The following TRIM25 variants were observed in gnomAD, a reference collection of about 807,000 sequenced individuals.
The protein encoded by TRIM25 is E3 ubiquitin/ISG15 ligase TRIM25.
Under a neutral mutation model 65.2 loss-of-function variants are expected in TRIM25, and 45 were observed. That is an observed-to-expected ratio of 0.69 (90% CI 0.54 to 0.89). TRIM25 has a LOEUF of 0.89. TRIM25 is among the 40% of genes least tolerant of loss of function. TRIM25 has a pLI of 0.00. For missense variants in TRIM25, 714 were observed against 803.7 expected, an observed-to-expected ratio of 0.89 and a Z score of 1.35; for synonymous variants, 321 against 340.4, an observed-to-expected ratio of 0.94 and a Z score of 0.63.
At position 56,914,002 on chromosome 17, in the gene TRIM25, G is replaced by A. The variant is rs775381059; in HGVS notation, c.-14C>T. ...CAGCTCTGCCATGGCGCTCCCAGGGGTCGGGACACAACTGCTGCACCCGCG... is the reference window on the plus strand; with the variant it reads ...CAGCTCTGCCATGGCGCTCCCAGGGATCGGGACACAACTGCTGCACCCGCG... On this transcript the variant is annotated 5_prime_UTR_variant, in exon 1 of 9. Coordinates refer to ENST00000316881, the MANE Select transcript of TRIM25 (RefSeq NM_005082.5). The A allele has an allele frequency of 1.3e-6, 2 of 1,529,294 alleles. No individual in the cohort carries two copies. Among genetic ancestry groups the A allele is most frequent in the Non-Finnish European group, 1.8e-6 (2 of 1,135,740 alleles). 94.7% of individuals were successfully genotyped at this position (1,529,294 alleles called of 1,614,324 possible).
rs148351661 is a variant in TRIM25, at chr17:56,891,901, G to C, written c.1692C>G (p.Asn564Lys). 2.5e-6 allele frequency: 4 copies of C among 1,614,232 alleles called. No individual in the cohort carries two copies. The highest frequency in any genetic ancestry group is 3.4e-6 in the Non-Finnish European group (4 of 1,180,036). ...FNTKISAWHNNVEKTLPSTKA... is the reference protein window; with the variant it reads ...FNTKISAWHNKVEKTLPSTKA... ...TGGTGGAGGGCAGGGTTTTCTCCAC[G>C]TTATTGTGCCAGGCAGAGATCTTGG... The change falls in exon 9 of 9, where the codon AAC (asparagine) becomes AAG (lysine). Residue 564 changes from asparagine (N) to lysine (K), a missense_variant. Asn to Lys is a moderately conservative substitution (Grantham distance 94, BLOSUM62 0). This residue lies in a region of TRIM25 where 413 missense variants were observed against 498.2 expected (regional missense o/e 0.83). Coordinates refer to ENST00000316881, the MANE Select transcript of TRIM25 (RefSeq NM_005082.5).
Position 56,913,386 on chromosome 17 carries a change from C to G in TRIM25, c.597+6G>C. On this transcript the variant is annotated splice_donor_region_variant and intron_variant, in intron 1 of 8. Transcript: ENST00000316881. The surrounding 1 kb of genome is among the most constrained non-coding windows in gnomAD (Gnocchi z 6.1). Reference sequence around the variant, plus strand: ...TGCCCTCTGCACCCAGCAGGCCGTTCCCTACCTCCAGGTCGGCGCTGGCCT... The same window carrying G: ...TGCCCTCTGCACCCAGCAGGCCGTTGCCTACCTCCAGGTCGGCGCTGGCCT... The G allele has an allele frequency of 1.3e-6, 2 of 1,552,222 alleles. No homozygotes were observed. Among genetic ancestry groups the G allele is most frequent in the Non-Finnish European group, 1.7e-6 (2 of 1,144,094 alleles).
chr17:56,906,793 C>G (rs558479243), intron 2 of TRIM25, among the ~76,000 whole-genome samples: 3 of 152,204 alleles, frequency 2.0e-5, no homozygotes, highest in Non-Finnish European at 2.9e-5. Flanking sequence ...TTGCGCCCAG[C>G]CTTCTTTGCC....
At chr17:56,893,223 G>T (rs1909218601) in intron 8 of TRIM25, among the ~76,000 whole-genome samples, 1 of 149,994 alleles carries the variant, frequency 6.7e-6, no homozygotes, top group Non-Finnish European at 1.5e-5. Flanking sequence ...GCCAAGCGAG[G>T]CACTCATTTG....
intron 1 of TRIM25, among the ~76,000 whole-genome samples, chr17:56,911,043 T>A (rs1325399216): frequency 6.6e-6 from 1 of 152,074 alleles, no homozygotes; most frequent in Non-Finnish European, 1.5e-5. Flanking sequence ...AGTGGGAGGA[T>A]CCCTTGAGGT....
intron 5 of TRIM25, 134 bp downstream of exon 5, chr17:56,898,981 G>A: frequency 1.0e-6 from 1 of 979,392 alleles, no homozygotes; most frequent in Non-Finnish European, 1.6e-6. Context: ...CCCGCAGTGG[G>A]GACTGCCACC....
intron 8 of TRIM25, among the ~76,000 whole-genome samples, chr17:56,894,977 G>A (rs959371500): frequency 2.0e-5 from 3 of 152,238 alleles, no homozygotes; most frequent in Admixed American, 2.0e-4. Flanking sequence ...GAGTGGTGGG[G>A]AGGAGACAGG....
intron 2 of TRIM25, among the ~76,000 whole-genome samples, chr17:56,904,695 G>A (rs1468447479): frequency 6.6e-6 from 1 of 152,172 alleles, no homozygotes; most frequent in African/African-American, 2.4e-5. Context: ...CTAGGAATAT[G>A]TGCTACAAAA....
At chr17:56,895,019 G>A (rs1324461462) in intron 8 of TRIM25, among the ~76,000 whole-genome samples, 2 of 152,198 alleles carry the variant, frequency 1.3e-5, no homozygotes, top group African/African-American at 2.4e-5. Flanking sequence ...GCAACGGGAC[G>A]CCCGGTGAAG....
chr17:56,913,909 G>C lies in TRIM25; in HGVS notation c.80C>G (p.Pro27Arg). 6.4e-7 allele frequency: 1 copy of C among 1,573,912 alleles called. No individual in the cohort carries two copies. The highest frequency in any genetic ancestry group is 2.3e-5 in the East Asian group (1 of 43,026). ...CGACCCGCAGAAGTTGTGGCCGCAC[G>C]GAGTGGTGACCGGCTCCTTGAAGGG... ...LEPFKEPVTTPCGHNFCGSCL... is the reference protein window; with the variant it reads ...LEPFKEPVTTRCGHNFCGSCL... Residue 27 changes from proline (P) to arginine (R), a missense_variant, in exon 1 of 9, where the codon CCG becomes CGG. Around this residue, in one of 3 missense-constraint regions of TRIM25, gnomAD observed 291 missense variants for 281.8 expected, o/e 1.03. Coordinates refer to ENST00000316881, the MANE Select transcript of TRIM25 (RefSeq NM_005082.5). The surrounding 1 kb of genome is among the most constrained non-coding windows in gnomAD (Gnocchi z 6.1).
intron 1 of TRIM25, among the ~76,000 whole-genome samples, chr17:56,911,939 C>T (rs1271362314): frequency 6.6e-6 from 1 of 151,856 alleles, no homozygotes; most frequent in African/African-American, 2.4e-5. Flanking sequence ...CACGGTGGCA[C>T]ACCTGTAGTC....
chr17:56,891,981 G>T lies in TRIM25; in HGVS notation c.1612C>A (p.Pro538Thr), dbSNP rs1439660375. Residue 538 changes from proline (P) to threonine (T), a missense_variant, in exon 9 of 9, where the codon CCA becomes ACA. Around this residue, in one of 3 missense-constraint regions of TRIM25, gnomAD observed 413 missense variants for 498.2 expected, o/e 0.83. Coordinates refer to ENST00000316881, the MANE Select transcript of TRIM25 (RefSeq NM_005082.5). ...ICYGSMNRQGPESRLGRNSAS... is the reference protein window; with the variant it reads ...ICYGSMNRQGTESRLGRNSAS... ...CTGTTGCGGCCGAGCCTGCTTTCTG[G>T]GCCCTGCCGGTTCATGCTTCCGTAG... 1.9e-6 allele frequency: 3 copies of T among 1,614,040 alleles called. No homozygotes were observed. Among genetic ancestry groups the T allele is most frequent in the Admixed American group, 1.7e-5 (1 of 60,000 alleles).
Position 56,913,244 on chromosome 17 carries a change from T to C in TRIM25, c.597+148A>G. 1.6e-6 allele frequency: 1 copy of C among 643,914 alleles called. No homozygotes were observed. Among genetic ancestry groups the C allele is most frequent in the Non-Finnish European group, 2.5e-6 (1 of 396,192 alleles). The allele number at this position is 643,914 out of a possible 1,614,324, so 39.9% of individuals were successfully genotyped here. ...AGGGACTATATAATCTCCCATCCCC[T>C]TTCTACTCTGACATTGGAGATGCCC... is the stretch of plus-strand genomic sequence containing the variant. On this transcript the variant is annotated intron_variant, in intron 1 of 8. Transcript: ENST00000316881. The surrounding 1 kb of genome is among the most constrained non-coding windows in gnomAD (Gnocchi z 6.1).
intron 4 of TRIM25, among the ~76,000 whole-genome samples, chr17:56,900,309 C>A (rs1567840003): frequency 6.6e-6 from 1 of 152,096 alleles, no homozygotes; most frequent in Non-Finnish European, 1.5e-5. Flanking sequence ...ATCACTTAAT[C>A]CCAGGAGTTT....
At position 56,907,255 on chromosome 17, in the gene TRIM25, C is replaced by T. The variant is rs1053752029; in HGVS notation, c.693+1213G>A. Among the ~76,000 whole-genome samples the T allele has an allele frequency of 7.2e-5, 11 of 152,246 alleles. 1 individual carries two copies. Among genetic ancestry groups the T allele is most frequent in the Admixed American group, 3.9e-4 (6 of 15,280 alleles). On this transcript the variant is annotated intron_variant, in intron 2 of 8. Coordinates refer to ENST00000316881, the MANE Select transcript of TRIM25 (RefSeq NM_005082.5). ...GTCAGTTGGTAAAATAAACTTCAATCATATTTAAGCCTCTGAATTCTGGTG... is the reference window on the plus strand; with the variant it reads ...GTCAGTTGGTAAAATAAACTTCAATTATATTTAAGCCTCTGAATTCTGGTG...
chr17:56,912,489 GC>G (rs1909648531), intron 1 of TRIM25, among the ~76,000 whole-genome samples: 1 of 152,076 alleles, frequency 6.6e-6, no homozygotes, highest in Non-Finnish European at 1.5e-5. Context: ...TCCCTCTTAG[GC>G]CTCTAATAAC....
Position 56,913,403 on chromosome 17 carries a change from C to G in TRIM25, c.586G>C (p.Ala196Pro), listed in dbSNP as rs772235780. 6.4e-7 allele frequency: 1 copy of G among 1,568,726 alleles called. No individual in the cohort carries two copies. Among genetic ancestry groups the G allele is most frequent in the African/African-American group, 1.3e-5 (1 of 74,250 alleles). Residue 196 changes from alanine to proline, a missense_variant, in exon 1 of 9, where the codon GCC (alanine) becomes CCC (proline). Around this residue, in one of 3 missense-constraint regions of TRIM25, gnomAD observed 291 missense variants for 281.8 expected, o/e 1.03. Coordinates refer to ENST00000316881, the MANE Select transcript of TRIM25 (RefSeq NM_005082.5). The surrounding 1 kb of genome is among the most constrained non-coding windows in gnomAD (Gnocchi z 6.1). ...CSPASLSQAS[A>P]DLEATLRHKL... ...AGGCCGTTCCCTACCTCCAGGTCGG[C>G]GCTGGCCTGGCTCAGGGACGCGGGA...
Position 56,889,366 on chromosome 17 carries a change from G to A in TRIM25, c.*2334C>T, listed in dbSNP as rs1478487434. ...TCTCCCCACTAATGGAATAGCAAGA[G>A]TGGTGAACAGAGCGATCCTCTACTT... On this transcript the variant is annotated 3_prime_UTR_variant, in exon 9 of 9. Coordinates refer to ENST00000316881, the MANE Select transcript of TRIM25 (RefSeq NM_005082.5). 1.2e-5 allele frequency: 2 copies of A among 163,892 alleles called. No homozygotes were observed. Among genetic ancestry groups the A allele is most frequent in the African/African-American group, 4.8e-5 (2 of 41,994 alleles). 10.2% of individuals were successfully genotyped at this position (163,892 alleles called of 1,614,324 possible).
chr17:56,908,125 T>C (rs1028973970), intron 2 of TRIM25, among the ~76,000 whole-genome samples: 1 of 152,190 alleles, frequency 6.6e-6, no homozygotes, highest in Admixed American at 6.5e-5. Flanking sequence ...GAAACTAATA[T>C]ACTTCCTTTT....
Sources: allele counts gnomAD v4.1 joint callset (sites outside exome capture counted in the v4.1 genomes callset), GRCh38; gene constraint gnomAD v4.1.1; regional missense constraint gnomAD v4.1.1; non-coding constraint Gnocchi (gnomAD v3.1); transcripts MANE v1.5; gene names NCBI Gene and HGNC (gene_info 2026-07-23, HGNC 2026-07-21).